C9: variants seen among roughly 807,000 people sequenced by gnomAD.
The protein encoded by C9 is complement component C9.
Under a neutral mutation model 65.4 loss-of-function variants are expected in C9, and 63 were observed. The observed-to-expected ratio is 0.96, with a 90% confidence interval of 0.79 to 1.19. The LOEUF (loss-of-function observed/expected upper bound fraction) is 1.19, where lower values mean the gene tolerates loss of function less well. C9 is among the 50% of genes most tolerant of loss of function. C9 has a pLI of 0.00. For synonymous variants in C9, 229 were observed against 227.9 expected, an observed-to-expected ratio of 1.00 and a Z score of -0.04; for missense variants, 744 against 670.1, an observed-to-expected ratio of 1.11 and a Z score of -1.22.
At chr5:39,289,118 A>C (rs767933045) in intron 9 of C9, among the ~76,000 whole-genome samples, 167 bp from the exon 10 acceptor site, 5 of 151,914 alleles carry the variant, frequency 3.3e-5, no homozygotes, top group Non-Finnish European at 2.9e-5. Flanking sequence ...AAAACTAGTC[A>C]AGATGACTGC....
intron 5 of C9, among the ~76,000 whole-genome samples, chr5:39,324,237 G>A (rs923129737): frequency 6.6e-6 from 1 of 152,092 alleles, no homozygotes; most frequent in Non-Finnish European, 1.5e-5. Flanking sequence ...TAGCAACACT[G>A]CCCAATATGA....
At chr5:39,352,193 G>T (rs1252188286) in intron 1 of C9, among the ~76,000 whole-genome samples, 1 of 152,138 alleles carries the variant, frequency 6.6e-6, no homozygotes, top group Non-Finnish European at 1.5e-5. Flanking sequence ...CACAAGAACA[G>T]CAAGGGGGAA....
At chr5:39,317,273 A>G (rs1299786003) in intron 5 of C9, among the ~76,000 whole-genome samples, 1 of 152,112 alleles carries the variant, frequency 6.6e-6, no homozygotes, top group Non-Finnish European at 1.5e-5. Flanking sequence ...ATAGATTGCA[A>G]AAATTTTCAC....
At chr5:39,305,601 C>T (rs1753359457) in intron 9 of C9, among the ~76,000 whole-genome samples, 1 of 151,784 alleles carries the variant, frequency 6.6e-6, no homozygotes, top group African/African-American at 2.4e-5. Context: ...CTAATAGTAC[C>T]AGTAAAAGAA....
chr5:39,308,237 A>C lies in C9; in HGVS notation c.1233T>G (p.Gly411=), dbSNP rs1753415107. Residue 411 remains glycine, a synonymous_variant, in exon 8 of 11, where the codon GGT becomes GGG. Coordinates refer to ENST00000263408, the MANE Select transcript of C9 (RefSeq NM_001737.5). Reference sequence around the variant, plus strand: ...AAGTGAGGCCACACTTACCAGCTCTACCCTCTCCCCTCTTTACACAATCAT... The same window carrying C: ...AAGTGAGGCCACACTTACCAGCTCTCCCCTCTCCCCTCTTTACACAATCAT... ...NKDDCVKRGE[G]RAVNITSENL... 3.7e-6 allele frequency: 6 copies of C among 1,612,674 alleles called. No individual in the cohort carries two copies. Among genetic ancestry groups the C allele is most frequent in the African/African-American group, 2.7e-5 (2 of 74,962 alleles).
intron 1 of C9, among the ~76,000 whole-genome samples, chr5:39,364,013 T>C (rs1410151913): frequency 6.6e-6 from 1 of 152,184 alleles, no homozygotes; most frequent in Non-Finnish European, 1.5e-5. Flanking sequence ...GTGTCAGGCA[T>C]TGAAGCAGAG....
Position 39,284,847 on chromosome 5 carries a change from C to T in C9, c.*352G>A, listed in dbSNP as rs1752961492. 1 of 294,296 alleles carries T rather than the reference C, an allele frequency of 3.4e-6. No homozygotes were observed. Among genetic ancestry groups the T allele is most frequent in the Non-Finnish European group, 6.4e-6 (1 of 155,528 alleles). 18.2% of individuals were successfully genotyped at this position (294,296 alleles called of 1,614,324 possible). ...TCATGGACCTGGCAGAATATGTTAA[C>T]CATACAAAGCCGTTTGAAAATTACT... On this transcript the variant is annotated 3_prime_UTR_variant, in exon 11 of 11. Coordinates refer to ENST00000263408, the MANE Select transcript of C9 (RefSeq NM_001737.5).
In C9 at chr5:39,341,486, C is replaced by CT. The variant is rs546350546; in HGVS notation, c.328+69dup. 9,523 of 1,408,730 alleles carry CT rather than the reference C, an allele frequency of 6.8e-3. 8 individuals are homozygous for CT. The highest frequency in any genetic ancestry group is 0.022 in the South Asian group (1,815 of 83,964). The allele number at this position is 1,408,730 out of a possible 1,614,324, so 87.3% of individuals were successfully genotyped here. A position where few individuals can be genotyped will look rare whatever the true frequency, so the allele number is the denominator to read the frequency against. Reference sequence around the variant, plus strand: ...AAATCCAAGTGTCCAGAAGCATATGCTTTTTTTTTTCTTTTCATTCAGGAA... The same window carrying CT: ...AAATCCAAGTGTCCAGAAGCATATGCTTTTTTTTTTTCTTTTCATTCAGGAA... On this transcript the variant is annotated intron_variant, in intron 3 of 10. Transcript: ENST00000263408.
At position 39,317,176 on chromosome 5, in the gene C9, C is replaced by T. The variant is rs150624376; in HGVS notation, c.616-1147G>A. ...AGAAGTGTCTGTTCATATCCTTTGC[C>T]CACTTTTTAATGGGGTCGTTTGTTT... On this transcript the variant is annotated intron_variant, in intron 5 of 10. Coordinates refer to ENST00000263408, the MANE Select transcript of C9 (RefSeq NM_001737.5). Among the ~76,000 whole-genome samples the T allele has an allele frequency of 6.0e-3, 918 of 152,164 alleles. 12 individuals are homozygous for T. Among genetic ancestry groups the T allele is most frequent in the African/African-American group, 0.021 (887 of 41,500 alleles).
rs1465839055 is a variant in C9, at chr5:39,311,189, T to G, written c.1059A>C (p.Gly353=). Reference sequence around the variant, plus strand: ...AAACATATATTAGTTCATAGAGTCCTCCTAGAGACCCAGAGCTACTGTAGT... The same window carrying G: ...AAACATATATTAGTTCATAGAGTCCGCCTAGAGACCCAGAGCTACTGTAGT... The part of the protein sequence containing the change: ...GTHYSSSGSL[G]GLYELIYVLD... The change falls in exon 7 of 11, where the codon GGA becomes GGC. Residue 353 remains glycine, a synonymous_variant. Transcript: ENST00000263408. 1 of 1,613,082 alleles carries G rather than the reference T, an allele frequency of 6.2e-7. No homozygotes were observed. Among genetic ancestry groups the G allele is most frequent in the Non-Finnish European group, 8.5e-7 (1 of 1,179,070 alleles).
chr5:39,341,484 T>G, intron 3 of C9, 72 bp downstream of exon 3: 2 of 1,551,364 alleles, frequency 1.3e-6, no homozygotes, highest in Admixed American at 1.7e-5. Flanking sequence ...CAGAAGCATA[T>G]GCTTTTTTTT....
intron 4 of C9, among the ~76,000 whole-genome samples, 187 bp from the exon 5 acceptor site, chr5:39,332,001 C>T (rs868084266): frequency 8.5e-5 from 13 of 152,120 alleles, no homozygotes; most frequent in Non-Finnish European, 1.5e-4. Context: ...GAAAGCATAC[C>T]TTAGGAGAGG....
chr5:39,339,645 TTC>T (rs1271601368), intron 4 of C9, among the ~76,000 whole-genome samples: 25 of 140,956 alleles, frequency 1.8e-4, no homozygotes, highest in Non-Finnish European at 2.6e-4. Flanking sequence ...ATACTGTCTT[TTC>T]TCTCTTTTTT....
intron 8 of C9, among the ~76,000 whole-genome samples, chr5:39,307,185 T>C (rs990580770): frequency 2.2e-4 from 34 of 152,154 alleles, no homozygotes; most frequent in Admixed American, 2.1e-3. Context: ...TGTTTTAATA[T>C]TACAAAAAGA....
chr5:39,335,260 A>G lies in C9; in HGVS notation c.477-3446T>C, dbSNP rs149269608. Among the ~76,000 whole-genome samples the G allele has an allele frequency of 3.1e-4, 47 of 152,324 alleles. 1 individual carries two copies. The East Asian group carries it at 8.9e-3, about 29-fold the overall frequency. The stretch of plus-strand genomic sequence containing the variant: ...TAGCTCTTAGGTGACTACTATATCT[A>G]TGTGTTGTACAGTGTTTGCAATTAG... On this transcript the variant is annotated intron_variant, in intron 4 of 10. Transcript: ENST00000263408.
Position 39,359,102 on chromosome 5 carries a change from G to GTGTGTGTATATATATATATATA in C9, c.77+5285_77+5286insTATATATATATATATACACACA, listed in dbSNP as rs1407613505. The stretch of plus-strand genomic sequence containing the variant: ...TGTATATATATATGTGTGTGTGTGT[G>GTGTGTGTATATATATATATATA]TATATATATATATATATATATATGT... On this transcript the variant is annotated intron_variant, in intron 1 of 10. Coordinates refer to ENST00000263408, the MANE Select transcript of C9 (RefSeq NM_001737.5). 5.1e-3 allele frequency among the ~76,000 whole-genome samples: 525 copies of GTGTGTGTATATATATATATATA among 103,578 alleles called. 3 individuals are homozygous for GTGTGTGTATATATATATATATA. Among genetic ancestry groups the GTGTGTGTATATATATATATATA allele is most frequent in the African/African-American group, 0.011 (283 of 26,490 alleles). The allele number at this position is 103,578 out of a possible 152,430, so 68.0% of individuals were successfully genotyped here.
rs144232173 is a variant in C9 at position 39,312,765 on chromosome 5, G to C, written c.871-1388C>G. On this transcript the variant is annotated intron_variant, in intron 6 of 10. Coordinates refer to ENST00000263408, the MANE Select transcript of C9 (RefSeq NM_001737.5). ...GTGGTTAACATATGATGATTATGTGGGAGTTTAAAATATTTTATTTCTTTT... is the reference window on the plus strand; with the variant it reads ...GTGGTTAACATATGATGATTATGTGCGAGTTTAAAATATTTTATTTCTTTT... Among the ~76,000 whole-genome samples, 572 of 152,176 alleles carry C rather than the reference G, an allele frequency of 3.8e-3. 5 individuals carry two copies. Among genetic ancestry groups the C allele is most frequent in the African/African-American group, 0.01 (424 of 41,522 alleles).
Position 39,284,943 on chromosome 5 carries a change from C to T in C9, c.*256G>A, listed in dbSNP as rs1013044030. The T allele has an allele frequency of 7.2e-5, 31 of 431,286 alleles. No homozygotes were observed. Among genetic ancestry groups the T allele is most frequent in the Non-Finnish European group, 1.2e-4 (29 of 239,868 alleles). 26.7% of individuals were successfully genotyped at this position (431,286 alleles called of 1,614,324 possible). ...TTTTTTTAGAAGAGATTGGCATTTT[C>T]CGTGGGATAAAGCAGTTCTGGCGTA... On this transcript the variant is annotated 3_prime_UTR_variant, in exon 11 of 11. Coordinates refer to ENST00000263408, the MANE Select transcript of C9 (RefSeq NM_001737.5).
At chr5:39,306,888 T>C in intron 8 of C9, 96 bp from the exon 9 acceptor site, 1 of 814,238 alleles carries the variant, frequency 1.2e-6, no homozygotes, top group Non-Finnish European at 2.1e-6. Flanking sequence ...TGAGTCCTTT[T>C]AGTAAAATAC....
Sources: allele counts gnomAD v4.1 joint callset (sites outside exome capture counted in the v4.1 genomes callset), GRCh38; gene constraint gnomAD v4.1.1; transcripts MANE v1.5; gene names NCBI Gene and HGNC (gene_info 2026-07-23, HGNC 2026-07-21).